PDE10A: variants seen among roughly 807,000 people sequenced by gnomAD.
PDE10A encodes the protein phosphodiesterase 10A, also known as cAMP and cAMP-inhibited cGMP 3',5'-cyclic phosphodiesterase 10A.
PDE10A carries 39 observed loss-of-function variants against 97.7 expected under a neutral mutation model. That is an observed-to-expected ratio of 0.40 (90% CI 0.31 to 0.52). The LOEUF (loss-of-function observed/expected upper bound fraction) is 0.52, where lower values mean the gene tolerates loss of function less well. Ranked by LOEUF, PDE10A falls within the 20% of genes least tolerant of loss-of-function variation. The pLI, the probability that PDE10A is intolerant of heterozygous loss-of-function variation, is 0.56. For missense variants in PDE10A, 731 were observed against 1,047.8 expected (o/e 0.70, Z 4.17); for synonymous variants, 371 against 376.8 (o/e 0.98, Z 0.18).
At chr6:165,437,634 T>C (rs564111257) in intron 5 of PDE10A, among the ~76,000 whole-genome samples, 1 of 152,330 alleles carries the variant, frequency 6.6e-6, no homozygotes, top group South Asian at 2.1e-4. Context: ...TTTGTTCACA[T>C]TAACCCAACA....
At chr6:165,469,485 G>A (rs542933067) in intron 3 of PDE10A, among the ~76,000 whole-genome samples, 7 of 152,282 alleles carry the variant, frequency 4.6e-5, no homozygotes, top group South Asian at 2.1e-4. Flanking sequence ...CAACCAATCC[G>A]TAATTTATGC....
chr6:165,966,208 G>A lies in PDE10A; in HGVS notation c.-615+21321C>T, dbSNP rs149866319. Among the ~76,000 whole-genome samples the A allele has an allele frequency of 7.9e-5, 12 of 152,180 alleles. No homozygotes were observed. The East Asian group carries it at 1.4e-3, about 17-fold the overall frequency. ...TGTCTGCAGAAAGAGTGGAAAAGTG[G>A]CCTCCCCACAGGGCTCATAATGGAG... On this transcript the variant is annotated intron_variant, in intron 1 of 19. Coordinates refer to the PDE10A transcript ENST00000366882.
intron 1 of PDE10A, among the ~76,000 whole-genome samples, chr6:165,903,186 G>C (rs78776944): frequency 1.5e-4 from 23 of 152,232 alleles, no homozygotes; most frequent in Admixed American, 2.6e-4. Context: ...ATTTTGTAAG[G>C]GTTCGAATTT....
chr6:165,831,371 CAAAAAA>C (rs760962725), intron 1 of PDE10A, among the ~76,000 whole-genome samples: 2 of 44,800 alleles, frequency 4.5e-5, no homozygotes, highest in African/African-American at 9.0e-5. Context: ...GACTCTGTCT[CAAAAAA>C]AAAAAAAAAA....
rs1355239980 is a variant in PDE10A at position 165,905,616 on chromosome 6, TA to T, written c.-615+81912del. On this transcript the variant is annotated intron_variant, in intron 1 of 19. Coordinates refer to the PDE10A transcript ENST00000366882. ...TTAAATCGCCATTTACATGGTAATTTAAAAAATTCTTTTCTTTTTCTCTAAT... is the reference window on the plus strand; with the variant it reads ...TTAAATCGCCATTTACATGGTAATTTAAAAATTCTTTTCTTTTTCTCTAAT... Among the ~76,000 whole-genome samples, 7 of 152,254 alleles carry T rather than the reference TA, an allele frequency of 4.6e-5. No homozygotes were observed. The South Asian group carries it at 1.0e-3, about 23-fold the overall frequency.
Position 165,833,281 on chromosome 6 carries a change from C to CT in PDE10A, c.-615+154247dup, listed in dbSNP as rs376317600. On this transcript the variant is annotated intron_variant, in intron 1 of 19. Transcript: ENST00000366882. Reference sequence around the variant, plus strand: ...AGGAGCTAGAGGCAATTTGTCCAGCCTCAATTATGATTCACCAGCCTGGAT... The same window carrying CT: ...AGGAGCTAGAGGCAATTTGTCCAGCCTTCAATTATGATTCACCAGCCTGGAT... Among the ~76,000 whole-genome samples the CT allele has an allele frequency of 1.9e-3, 291 of 152,292 alleles. 1 individual carries two copies. The highest frequency in any genetic ancestry group is 6.5e-3 in the African/African-American group (271 of 41,560).
At chr6:165,878,302 T>C (rs936136747) in intron 1 of PDE10A, among the ~76,000 whole-genome samples, 2 of 152,208 alleles carry the variant, frequency 1.3e-5, no homozygotes, top group Non-Finnish European at 1.5e-5. Context: ...TCAGAAGTCA[T>C]GCATGGTCAT....
intron 1 of PDE10A, among the ~76,000 whole-genome samples, chr6:165,958,602 AG>A: frequency 2.8e-5 from 1 of 35,724 alleles, no homozygotes; most frequent in Non-Finnish European, 8.4e-5. Flanking sequence ...AGAAAGAAAG[AG>A]AGAAAGGAAG....
chr6:165,765,751 G>T (rs1777828488), intron 1 of PDE10A, among the ~76,000 whole-genome samples: 1 of 152,238 alleles, frequency 6.6e-6, no homozygotes, highest in South Asian at 2.1e-4. Context: ...GCGGTGGGCT[G>T]AAGGGCTCCT....
chr6:165,517,761 G>A (rs1400127064), intron 2 of PDE10A, among the ~76,000 whole-genome samples: 1 of 152,200 alleles, frequency 6.6e-6, no homozygotes, highest in African/African-American at 2.4e-5. Flanking sequence ...ACAAAAAAGT[G>A]CCATTCTTCA....
chr6:165,677,040 A>G (rs898420358), intron 1 of PDE10A, among the ~76,000 whole-genome samples: 1 of 152,222 alleles, frequency 6.6e-6, no homozygotes, highest in Non-Finnish European at 1.5e-5. Context: ...TCTTCCTGTG[A>G]TAGTTAATTT....
chr6:165,636,206 G>C (rs1788866905), intron 1 of PDE10A, among the ~76,000 whole-genome samples: 1 of 152,058 alleles, frequency 6.6e-6, no homozygotes. Flanking sequence ...GTAAACCCTG[G>C]GAAGTAGACC....
intron 1 of PDE10A, among the ~76,000 whole-genome samples, chr6:165,626,861 C>A (rs1788412902): frequency 6.6e-6 from 1 of 152,154 alleles, no homozygotes; most frequent in East Asian, 1.9e-4. Context: ...CAGGGACGGG[C>A]TCAGTAGCCC....
Position 165,671,984 on chromosome 6 carries a change from G to A in PDE10A, c.-614-128416C>T, listed in dbSNP as rs928416435. Among the ~76,000 whole-genome samples the A allele has an allele frequency of 4.6e-5, 7 of 152,202 alleles. No individual in the cohort carries two copies. The highest frequency in any genetic ancestry group is 1.9e-4 in the East Asian group (1 of 5,184). On this transcript the variant is annotated intron_variant, in intron 1 of 19. Coordinates refer to the PDE10A transcript ENST00000366882. The surrounding 1 kb of genome is among the most constrained non-coding windows in gnomAD (Gnocchi z 4.6). ...TTTTCAGTCAAACTATATTACTTCC[G>A]TAACCGTAAAATACTGGTGAAGTCT...
intron 13 of PDE10A, among the ~76,000 whole-genome samples, chr6:165,397,702 CA>C (rs71026686): frequency 0.31 from 27,353 of 87,962 alleles, 2,157 homozygotes; most frequent in Middle Eastern, 0.45. Flanking sequence ...AACTCCATCT[CA>C]AAAAAAAAAA....
chr6:165,459,061 A>G (rs1014551643), intron 3 of PDE10A, among the ~76,000 whole-genome samples: 1 of 152,092 alleles, frequency 6.6e-6, no homozygotes, highest in African/African-American at 2.4e-5. Context: ...ATATAGGCCA[A>G]TTTTGATTTG....
At chr6:165,733,934 A>T (rs553953233) in intron 1 of PDE10A, among the ~76,000 whole-genome samples, 3 of 152,164 alleles carry the variant, frequency 2.0e-5, no homozygotes, top group Admixed American at 1.3e-4. Context: ...TACACCTAGG[A>T]TCCAAAATGT....
rs1583158920 is a variant in PDE10A at position 165,829,063 on chromosome 6, A to G, written c.-615+158466T>C. ...CAGATGAAGTGTTGGGGTCCCCACC[A>G]AAAGAGAAAAGGTACAGAATGAGAA... On this transcript the variant is annotated intron_variant, in intron 1 of 19. Coordinates refer to the PDE10A transcript ENST00000366882. 1.3e-5 allele frequency among the ~76,000 whole-genome samples: 2 copies of G among 152,326 alleles called. 1 individual carries two copies. Among genetic ancestry groups the G allele is most frequent in the East Asian group, 3.9e-4 (2 of 5,180 alleles).
At chr6:165,834,169 G>C (rs1780007204) in intron 1 of PDE10A, among the ~76,000 whole-genome samples, 1 of 152,224 alleles carries the variant, frequency 6.6e-6, no homozygotes, top group Non-Finnish European at 1.5e-5. Context: ...TACCCAGGCA[G>C]AACACCTGCC....
Sources: allele counts gnomAD v4.1 joint callset (sites outside exome capture counted in the v4.1 genomes callset), GRCh38; gene constraint gnomAD v4.1.1; non-coding constraint Gnocchi (gnomAD v3.1); transcripts MANE v1.5; gene names NCBI Gene and HGNC (gene_info 2026-07-23, HGNC 2026-07-21).